Variants in COX7A2L observed in about 807,000 individuals in gnomAD.
COX7A2L encodes the protein cytochrome c oxidase subunit 7A2 like.
COX7A2L carries 18 observed loss-of-function variants against 14.2 expected under a neutral mutation model. The observed-to-expected ratio is 1.27, with a 90% CI of 0.88 to 1.88. COX7A2L has a LOEUF of 1.88. Among genes scored for constraint, COX7A2L ranks in the 40% most tolerant of loss-of-function variants. The pLI is 0.00. For synonymous variants in COX7A2L, 65 were observed against 57.4 expected, an observed-to-expected ratio of 1.13 and a Z score of -0.60; for missense variants, 179 against 138.8, an observed-to-expected ratio of 1.29 and a Z score of -1.46.
At chr2:42,352,979 A>C (rs1670693865) in intron 2 of COX7A2L, 4 of 561,426 alleles carry the variant, frequency 7.1e-6, no homozygotes, top group Non-Finnish European at 6.1e-6. Context: ...TGCCATTTCA[A>C]AACCCTCACA....
intron 2 of COX7A2L, among the ~76,000 whole-genome samples, chr2:42,340,550 T>C (rs1382060382): frequency 6.6e-6 from 1 of 151,980 alleles, no homozygotes; most frequent in African/African-American, 2.4e-5. Flanking sequence ...AGGAATGTGC[T>C]CCGTAACGCC....
intron 2 of COX7A2L, among the ~76,000 whole-genome samples, chr2:42,340,616 C>T (rs913937293): frequency 1.3e-5 from 2 of 152,144 alleles, no homozygotes; most frequent in African/African-American, 2.4e-5. Flanking sequence ...CCCGACCCCC[C>T]AGGCGCACCC....
upstream of COX7A2L, chr2:42,365,922 A>G (rs925617304): frequency 1.3e-5 from 2 of 152,190 alleles, no homozygotes; most frequent in Admixed American, 1.3e-4. Context: ...AAGAACAAAC[A>G]TATCACCTCC....
rs1400917033 is a variant in COX7A2L, at chr2:42,342,853, GAC to G, written c.193-8986_193-8985del. ...GGGAAGTCAGCTCCAGCAGTCTTGG[GAC>G]CCTGGGCAAGCAGCATCTGGGCCCC... On this transcript the variant is annotated intron_variant, in intron 2 of 2. Transcript: ENST00000468711. This position sits in a 1 kb window ranked among gnomAD's most constrained non-coding sequence, Gnocchi z 4.9. Among the ~76,000 whole-genome samples, 1 of 152,142 alleles carries G rather than the reference GAC, an allele frequency of 6.6e-6. No homozygotes were observed.
At chr2:42,347,307 C>CATTTT (rs71408096), downstream of COX7A2L, among the ~76,000 whole-genome samples, 2 of 135,052 alleles carry the variant, frequency 1.5e-5, no homozygotes, top group African/African-American at 2.7e-5. Flanking sequence ...AAACCAGCAC[C>CATTTT]TTTTTTTTTT....
rs565446751 is a variant in COX7A2L at position 42,366,733 on chromosome 2, G to C, written c.-688+2135C>G. ...GCATGATGTAAAGCATTAGAGTTTT[G>C]AGTCTAGTCTATGTTTGTATAAAGT... On this transcript the variant is annotated intron_variant, in intron 1 of 3. Coordinates refer to the COX7A2L transcript ENST00000378669. 9.2e-5 allele frequency among the ~76,000 whole-genome samples: 14 copies of C among 152,316 alleles called. No individual in the cohort carries two copies. The South Asian group carries it at 2.5e-3, about 27-fold the overall frequency.
Position 42,351,034 on chromosome 2 carries a change from G to A in COX7A2L, c.*185C>T. On this transcript the variant is annotated 3_prime_UTR_variant, in exon 3 of 3. Coordinates refer to ENST00000234301, the MANE Select transcript of COX7A2L (RefSeq NM_004718.4). Reference sequence around the variant, plus strand: ...ATTTCTTTAAACAATGGCTTTAACTGTCGAATGAGCTCTGACAAGCCATAT... The same window carrying A: ...ATTTCTTTAAACAATGGCTTTAACTATCGAATGAGCTCTGACAAGCCATAT... 1.7e-6 allele frequency: 1 copy of A among 589,002 alleles called. No homozygotes were observed. Among genetic ancestry groups the A allele is most frequent in the Non-Finnish European group, 2.8e-6 (1 of 353,146 alleles). 36.5% of individuals were successfully genotyped at this position (589,002 alleles called of 1,614,324 possible). A position where few individuals can be genotyped will look rare whatever the true frequency, so the allele number is the denominator to read the frequency against.
Position 42,342,944 on chromosome 2 carries a change from G to T in COX7A2L, c.193-9075C>A, listed in dbSNP as rs1292815707. On this transcript the variant is annotated intron_variant, in intron 2 of 2. Transcript: ENST00000468711. This position sits in a 1 kb window ranked among gnomAD's most constrained non-coding sequence, Gnocchi z 4.9. ...ACCCGGGCACCGTGGAGCCACAGAG[G>T]TCAGGAGGCCTGATTCCAGCTTATG... Among the ~76,000 whole-genome samples the T allele has an allele frequency of 6.6e-6, 1 of 152,070 alleles. No homozygotes were observed. Among genetic ancestry groups the T allele is most frequent in the Non-Finnish European group, 1.5e-5 (1 of 68,020 alleles).
intron 1 of COX7A2L, among the ~76,000 whole-genome samples, chr2:42,358,098 C>T (rs889787750): frequency 6.6e-6 from 1 of 152,200 alleles, no homozygotes; most frequent in Non-Finnish European, 1.5e-5. Flanking sequence ...CGTCATTTTA[C>T]CATTTCCACC....
At chr2:42,337,302 T>G (rs1572780775) in intron 2 of COX7A2L, among the ~76,000 whole-genome samples, 1 of 152,168 alleles carries the variant, frequency 6.6e-6, no homozygotes, top group East Asian at 1.9e-4. Context: ...AAAAGGGCTG[T>G]GAACACATGC....
upstream of COX7A2L, among the ~76,000 whole-genome samples, chr2:42,362,499 G>C (rs961186616): frequency 6.6e-6 from 1 of 152,186 alleles, no homozygotes; most frequent in Non-Finnish European, 1.5e-5. Flanking sequence ...AATGACGCCT[G>C]GAGAAGCTAA....
At chr2:42,363,762 C>T (rs1671105886), upstream of COX7A2L, among the ~76,000 whole-genome samples, 1 of 152,158 alleles carries the variant, frequency 6.6e-6, no homozygotes, top group Admixed American at 6.5e-5. Context: ...TATCACGATC[C>T]CTTCAGGTTG....
At chr2:42,353,000 CTAA>C (rs1670694476) in intron 2 of COX7A2L, 1 of 605,416 alleles carries the variant, frequency 1.7e-6, no homozygotes, top group Non-Finnish European at 2.8e-6. Context: ...CCCTTAAATA[CTAA>C]TGAGGAAATT....
chr2:42,366,941 A>G (rs1671175670), intron 1 of COX7A2L, among the ~76,000 whole-genome samples: 1 of 152,232 alleles, frequency 6.6e-6, no homozygotes, highest in Non-Finnish European at 1.5e-5. Context: ...AACAGCCATC[A>G]AAGATAAGGA....
chr2:42,342,999 C>T lies in COX7A2L; in HGVS notation c.193-9130G>A, dbSNP rs751187622. On this transcript the variant is annotated intron_variant, in intron 2 of 2. Coordinates refer to the COX7A2L transcript ENST00000468711. The surrounding 1 kb of genome is among the most constrained non-coding windows in gnomAD (Gnocchi z 4.9). The stretch of plus-strand genomic sequence containing the variant: ...TGACAGTGGCTGATGGCAGAGGAGA[C>T]TGCAAGTGATCGTCCCACTCCCCTC... 4.6e-5 allele frequency among the ~76,000 whole-genome samples: 7 copies of T among 152,162 alleles called. No homozygotes were observed. The highest frequency in any genetic ancestry group is 8.8e-5 in the Non-Finnish European group (6 of 68,022).
chr2:42,361,231 G>C (rs951080701), upstream of COX7A2L: 3 of 1,448,282 alleles, frequency 2.1e-6, no homozygotes, highest in South Asian at 1.2e-5. Flanking sequence ...CCGCCTCCCC[G>C]GCTGTGGTCC....
At chr2:42,335,669 C>T (rs191523745) in intron 2 of COX7A2L, among the ~76,000 whole-genome samples, 4 of 152,332 alleles carry the variant, frequency 2.6e-5, no homozygotes, top group African/African-American at 2.4e-5. Flanking sequence ...GGCTGAGTTA[C>T]GAGTTGAAGC....
At chr2:42,360,952 G>A (rs1671011557) in intron 1 of COX7A2L, 138 bp downstream of exon 1, 3 of 833,444 alleles carry the variant, frequency 3.6e-6, no homozygotes, top group Middle Eastern at 2.8e-4. Context: ...GTGTGGAGAG[G>A]CCCCGGGAGG....
In COX7A2L at chr2:42,339,523, C is replaced by G. The variant is rs1316071223; in HGVS notation, c.193-5654G>C. Among the ~76,000 whole-genome samples the G allele has an allele frequency of 6.6e-6, 1 of 152,146 alleles. No individual in the cohort carries two copies. The highest frequency in any genetic ancestry group is 1.5e-5 in the Non-Finnish European group (1 of 68,010). On this transcript the variant is annotated intron_variant, in intron 2 of 2. Transcript: ENST00000468711. This position sits in a 1 kb window ranked among gnomAD's most constrained non-coding sequence, Gnocchi z 5.4. ...CACTGGCCGACAACCTCCTTGAAAC[C>G]CCCTCCTCTCCTGCCACCATTCCTC...
Sources: allele counts gnomAD v4.1 joint callset (sites outside exome capture counted in the v4.1 genomes callset), GRCh38; gene constraint gnomAD v4.1.1; non-coding constraint Gnocchi (gnomAD v3.1); transcripts MANE v1.5; gene names NCBI Gene and HGNC (gene_info 2026-07-23, HGNC 2026-07-21).